The following AKAP12 variants were observed in gnomAD, a reference collection of about 807,000 sequenced individuals.
AKAP12 encodes the protein A-kinase anchoring protein 12, also known as A-kinase anchor protein 12.
In AKAP12, 32 loss-of-function variants were observed where a neutral mutation model predicts 79.9. The observed-to-expected ratio is 0.40, with a 90% CI of 0.30 to 0.54. AKAP12 has a LOEUF of 0.54. AKAP12 is among the 20% of genes least tolerant of loss of function. AKAP12 has a pLI of 0.48. For synonymous variants in AKAP12, 808 were observed against 857.0 expected (o/e 0.94, Z 1.00); for missense variants, 2,074 against 2,177.0 (o/e 0.95, Z 0.94).
intron 3 of AKAP12, among the ~76,000 whole-genome samples, chr6:151,310,973 A>G (rs950855641): frequency 1.3e-5 from 2 of 152,108 alleles, no homozygotes; most frequent in Non-Finnish European, 2.9e-5. Flanking sequence ...TTAGCTTTAG[A>G]AAGTTTTTTT....
At chr6:151,270,151 G>T (rs1484465534) in intron 2 of AKAP12, among the ~76,000 whole-genome samples, 1 of 152,116 alleles carries the variant, frequency 6.6e-6, no homozygotes, top group Non-Finnish European at 1.5e-5. Flanking sequence ...CCGCCTCCTG[G>T]GTTCAAGTGA....
At chr6:151,353,817 A>C (rs531600534) in intron 4 of AKAP12, 65 bp downstream of exon 4, 11 of 1,177,686 alleles carry the variant, frequency 9.3e-6, no homozygotes, top group African/African-American at 9.3e-5. Context: ...AATTTGTTAC[A>C]TAAGGAATCG....
At chr6:151,289,082 G>A (rs1233866182) in intron 2 of AKAP12, among the ~76,000 whole-genome samples, 1 of 152,146 alleles carries the variant, frequency 6.6e-6, no homozygotes, top group Non-Finnish European at 1.5e-5. Context: ...TTTGTTTTTA[G>A]TAGATATTGC....
chr6:151,317,631 C>T (rs1383136349), intron 3 of AKAP12, among the ~76,000 whole-genome samples: 1 of 152,172 alleles, frequency 6.6e-6, no homozygotes, highest in Admixed American at 6.5e-5. Flanking sequence ...ATATTATATA[C>T]TGAAAGAATT....
intron 2 of AKAP12, among the ~76,000 whole-genome samples, chr6:151,260,679 AC>A (rs1177818111): frequency 6.6e-6 from 1 of 152,184 alleles, no homozygotes; most frequent in Non-Finnish European, 1.5e-5. Context: ...TACGTCTGAA[AC>A]GAGAATTGAT....
In AKAP12 at chr6:151,356,903, T is replaced by G. The variant is rs1778455473; in HGVS notation, c.*1189T>G. ...TTACATGAAACCCCTTGTCACTGGT[T>G]TGTGTGTTCAGAGGAAGCCATGGCC... On this transcript the variant is annotated 3_prime_UTR_variant, in exon 5 of 5. Coordinates refer to ENST00000402676, the MANE Select transcript of AKAP12 (RefSeq NM_005100.4). 6.6e-6 allele frequency: 1 copy of G among 152,218 alleles called. No homozygotes were observed. Among genetic ancestry groups the G allele is most frequent in the Admixed American group, 6.5e-5 (1 of 15,286 alleles). The allele number at this position is 152,218 out of a possible 1,614,324, so 9.4% of individuals were successfully genotyped here.
chr6:151,325,714 T>C, intron 3 of AKAP12: 1 of 1,488,460 alleles, frequency 6.7e-7, no homozygotes, highest in South Asian at 1.3e-5. Flanking sequence ...CCTCCGGTTC[T>C]CCCCCATCCT....
intron 3 of AKAP12, among the ~76,000 whole-genome samples, chr6:151,335,514 C>G (rs1278524193): frequency 2.0e-5 from 3 of 152,154 alleles, no homozygotes; most frequent in Admixed American, 1.3e-4. Context: ...GAGACTCACT[C>G]TGTCACCTGT....
chr6:151,349,700 G>C lies in AKAP12; in HGVS notation c.1309G>C (p.Glu437Gln). The change falls in exon 4 of 5, where the codon GAA (glutamate) becomes CAA (glutamine). Residue 437 changes from glutamate to glutamine, a missense_variant. Glu to Gln is a conservative substitution (Grantham distance 29). This residue lies in a region of AKAP12 where 1,428 missense variants were observed against 1,451.0 expected (regional missense o/e 0.98). Coordinates refer to ENST00000402676, the MANE Select transcript of AKAP12 (RefSeq NM_005100.4). ...CGAAGAGCAGAAAACGGAGGTGGAA[G>C]AAACAGCAGGGTCTGTGCCAGCTGA... The part of the protein sequence containing the change: ...RTEEQKTEVE[E>Q]TAGSVPAEEL... 2.5e-6 allele frequency: 4 copies of C among 1,614,168 alleles called. No homozygotes were observed. Among genetic ancestry groups the C allele is most frequent in the Non-Finnish European group, 2.5e-6 (3 of 1,180,024 alleles).
In AKAP12 at chr6:151,357,691, C is replaced by A. The variant is rs1778476454; in HGVS notation, c.*1977C>A. 1 of 147,744 alleles carries A rather than the reference C, an allele frequency of 6.8e-6. No individual in the cohort carries two copies. The highest frequency in any genetic ancestry group is 2.5e-5 in the African/African-American group (1 of 40,380). The allele number at this position is 147,744 out of a possible 1,614,324, so 9.2% of individuals were successfully genotyped here. On this transcript the variant is annotated 3_prime_UTR_variant, in exon 5 of 5. Transcript: ENST00000402676. ...ATTAAAATCCCCAAATTCAAAAAAC[C>A]TCTGATATATATATATAATTTTTTT... is the stretch of plus-strand genomic sequence containing the variant.
intron 3 of AKAP12, among the ~76,000 whole-genome samples, chr6:151,309,731 G>C (rs1429914527): frequency 1.3e-5 from 2 of 152,156 alleles, no homozygotes; most frequent in Non-Finnish European, 2.9e-5. Context: ...TACACAATGA[G>C]GCATGGACAC....
At chr6:151,306,384 C>A (rs1454486504) in intron 3 of AKAP12, among the ~76,000 whole-genome samples, 1 of 152,096 alleles carries the variant, frequency 6.6e-6, no homozygotes, top group Non-Finnish European at 1.5e-5. Flanking sequence ...CGTTTGGACA[C>A]AGTATTGGGA....
chr6:151,317,199 G>T (rs111569797), intron 3 of AKAP12, among the ~76,000 whole-genome samples: 1 of 152,124 alleles, frequency 6.6e-6, no homozygotes, highest in Non-Finnish European at 1.5e-5. Context: ...TGTGCAGGAG[G>T]CTCTTCTGCT....
intron 2 of AKAP12, among the ~76,000 whole-genome samples, chr6:151,294,219 G>A (rs1315746568): frequency 7.9e-5 from 12 of 152,108 alleles, no homozygotes; most frequent in African/African-American, 2.7e-4. Flanking sequence ...TGATCCACCC[G>A]CCTCGGCCTC....
rs534341642 is a variant in AKAP12, at chr6:151,247,748, C to T, written c.162+7024C>T. Among the ~76,000 whole-genome samples the T allele has an allele frequency of 7.2e-5, 11 of 152,290 alleles. No homozygotes were observed. In the South Asian group the frequency reaches 2.3e-3, roughly 32 times the overall value. Reference sequence around the variant, plus strand: ...GAAAACAATAGAGTGAAGGCTTACCCGGGATCCTCTCCCGTTCTCACGGCA... The same window carrying T: ...GAAAACAATAGAGTGAAGGCTTACCTGGGATCCTCTCCCGTTCTCACGGCA... On this transcript the variant is annotated intron_variant, in intron 2 of 4. Coordinates refer to ENST00000402676, the MANE Select transcript of AKAP12 (RefSeq NM_005100.4).
chr6:151,240,284 T>G, intron 1 of AKAP12, 100 bp from the exon 2 acceptor site: 1 of 268,786 alleles, frequency 3.7e-6, no homozygotes, highest in Non-Finnish European at 6.8e-6. Context: ...CTGCAGGGCG[T>G]GTCTGGGGCT....
At position 151,351,076 on chromosome 6, in the gene AKAP12, T is replaced by C. The variant is rs199907340; in HGVS notation, c.2685T>C (p.Ala895=). ...GTCAGGTTCATATGATGGCAGCAGC[T>C]GTCGCTGACGGGACGAGGGCAGCTA... The part of the protein sequence containing the change: ...SESQVHMMAA[A]VADGTRAATI... The change falls in exon 4 of 5, where the codon GCT becomes GCC. Residue 895 remains alanine (A), a synonymous_variant. Coordinates refer to ENST00000402676, the MANE Select transcript of AKAP12 (RefSeq NM_005100.4). The surrounding 1 kb of genome is among the most constrained non-coding windows in gnomAD (Gnocchi z 4.4). 7 of 1,614,082 alleles carry C rather than the reference T, an allele frequency of 4.3e-6. No individual in the cohort carries two copies. Among genetic ancestry groups the C allele is most frequent in the African/African-American group, 1.3e-5 (1 of 74,920 alleles).
At chr6:151,277,930 T>C (rs1346678699) in intron 2 of AKAP12, among the ~76,000 whole-genome samples, 2 of 143,342 alleles carry the variant, frequency 1.4e-5, no homozygotes, top group African/African-American at 5.2e-5. Flanking sequence ...CCTTAGGCAA[T>C]AGCTAATAGG....
At chr6:151,329,843 T>C (rs1452771949) in intron 3 of AKAP12, among the ~76,000 whole-genome samples, 1 of 152,236 alleles carries the variant, frequency 6.6e-6, no homozygotes, top group African/African-American at 2.4e-5. Context: ...ACCCCATTTC[T>C]ATCATAAAAG....
Sources: gnomAD v4.1 joint callset for allele counts (sites outside exome capture counted in the v4.1 genomes callset) on GRCh38, gnomAD v4.1.1 for gene constraint, gnomAD v4.1.1 regional missense constraint, Gnocchi (gnomAD v3.1) non-coding constraint, MANE v1.5 for transcripts, NCBI Gene and HGNC (gene_info 2026-07-23, HGNC 2026-07-21) for gene names.